RNF150: variants seen among roughly 807,000 people sequenced by gnomAD.
RNF150 encodes the protein ring finger protein 150.
RNF150 carries 24 observed loss-of-function variants against 39.3 expected under a neutral mutation model. The ratio of observed to expected loss-of-function variants is 0.61; its 90% CI spans 0.44 to 0.86. The LOEUF (loss-of-function observed/expected upper bound fraction) is 0.86, where lower values mean the gene tolerates loss of function less well. Ranked by LOEUF, RNF150 falls within the 40% of genes least tolerant of loss-of-function variation. The pLI is 0.00. For synonymous variants in RNF150, 255 were observed against 227.3 expected (o/e 1.12, Z -1.10); for missense variants, 502 against 587.8 (o/e 0.85, Z 1.51).
At chr4:141,051,649 C>T (rs1182756733) in intron 1 of RNF150, among the ~76,000 whole-genome samples, 1 of 152,192 alleles carries the variant, frequency 6.6e-6, no homozygotes, top group Non-Finnish European at 1.5e-5. Context: ...ACAAGTTTCT[C>T]ATCTCCATCT....
chr4:141,032,731 T>C (rs185677629), intron 1 of RNF150, among the ~76,000 whole-genome samples: 134 of 152,184 alleles, frequency 8.8e-4, no homozygotes, highest in African/African-American at 3.0e-3. Flanking sequence ...TACTGTGGAT[T>C]CAGTAATAAG....
At chr4:141,115,561 GC>G (rs2111072446) in intron 1 of RNF150, among the ~76,000 whole-genome samples, 1 of 152,230 alleles carries the variant, frequency 6.6e-6, no homozygotes, top group Admixed American at 6.5e-5. Flanking sequence ...TGGCCATACT[GC>G]CAAAAGTAAT....
At chr4:141,200,206 C>A (rs575380141) in intron 1 of RNF150, among the ~76,000 whole-genome samples, 4 of 152,172 alleles carry the variant, frequency 2.6e-5, no homozygotes, top group Admixed American at 6.5e-5. Flanking sequence ...TGATGAGGGC[C>A]CTTTTTTGGG....
At position 141,093,378 on chromosome 4, in the gene RNF150, AGG is replaced by A. The variant is rs11318985; in HGVS notation, c.484+38945_484+38946del. Among the ~76,000 whole-genome samples, 18 of 143,402 alleles carry A rather than the reference AGG, an allele frequency of 1.3e-4. No homozygotes were observed. In the Admixed American group the frequency reaches 1.3e-3, roughly 10 times the overall value. 94.1% of individuals were successfully genotyped at this position (143,402 alleles called of 152,430 possible). On this transcript the variant is annotated intron_variant, in intron 1 of 6. Transcript: ENST00000515673. ...GAGACTCCATCTCAAAAAAAAAAAA[AGG>A]GGGGGGAAAGGGAACTGGTGTGAAG...
chr4:141,204,368 T>C (rs1560777766), intron 1 of RNF150, among the ~76,000 whole-genome samples: 1 of 152,152 alleles, frequency 6.6e-6, no homozygotes, highest in Non-Finnish European at 1.5e-5. Flanking sequence ...AGAAAAATCT[T>C]TGCAAAAGTT....
chr4:141,024,241 T>A (rs2110797485), intron 1 of RNF150, among the ~76,000 whole-genome samples: 1 of 152,226 alleles, frequency 6.6e-6, no homozygotes, highest in Admixed American at 6.5e-5. Context: ...AAATACTGAA[T>A]GAGGAAAAAC....
chr4:140,869,721 G>C, intron 6 of RNF150, among the ~76,000 whole-genome samples: 1 of 152,200 alleles, frequency 6.6e-6, no homozygotes, highest in Non-Finnish European at 1.5e-5. Flanking sequence ...CTGTATTATA[G>C]CCAGATGAAT....
chr4:140,932,761 G>A (rs535888198), intron 4 of RNF150, among the ~76,000 whole-genome samples: 1 of 152,320 alleles, frequency 6.6e-6, no homozygotes, highest in Non-Finnish European at 1.5e-5. Flanking sequence ...CTCTCCTGGT[G>A]GTGGCTATGG....
intron 2 of RNF150, among the ~76,000 whole-genome samples, chr4:140,966,504 A>G (rs1421504691): frequency 1.3e-5 from 2 of 152,156 alleles, no homozygotes; most frequent in South Asian, 2.1e-4. Flanking sequence ...GTTTATACAC[A>G]TTAATAAGAA....
In RNF150 at chr4:141,132,657, G is replaced by C; in HGVS notation, c.152C>G (p.Pro51Arg). Residue 51 changes from proline (P) to arginine (R), a missense_variant, in exon 1 of 7, where the codon CCC (proline) becomes CGC (arginine). Coordinates refer to ENST00000515673, the MANE Select transcript of RNF150 (RefSeq NM_020724.2). The surrounding 1 kb of genome is among the most constrained non-coding windows in gnomAD (Gnocchi z 4.9). Reference protein sequence around the residue: ...TAFVNITYAEPAPDPGAGAAG... With the variant: ...TAFVNITYAERAPDPGAGAAG... ...CGCCCCGGCCCCGGGGTCCGGCGCG[G>C]GCTCGGCGTAGGTGATGTTCACGAA... 6.2e-7 allele frequency: 1 copy of C among 1,603,276 alleles called. No homozygotes were observed. Among genetic ancestry groups the C allele is most frequent in the Non-Finnish European group, 8.5e-7 (1 of 1,175,958 alleles).
chr4:141,139,882 TC>T (rs1217010171), intron 1 of RNF150, among the ~76,000 whole-genome samples: 3 of 152,204 alleles, frequency 2.0e-5, no homozygotes, highest in Admixed American at 2.0e-4. Context: ...ACATTGGTAG[TC>T]TTTTTGTCTC....
intron 6 of RNF150, among the ~76,000 whole-genome samples, chr4:140,870,263 G>A (rs1728876166): frequency 6.6e-6 from 1 of 152,066 alleles, no homozygotes; most frequent in African/African-American, 2.4e-5. Flanking sequence ...ACAGATCAAT[G>A]GTTAAATGAA....
At chr4:141,151,895 A>G (rs768924504) in intron 1 of RNF150, among the ~76,000 whole-genome samples, 1 of 152,224 alleles carries the variant, frequency 6.6e-6, no homozygotes, top group Non-Finnish European at 1.5e-5. Flanking sequence ...TTAAGATGGA[A>G]AAGCTGTTCT....
intron 1 of RNF150, among the ~76,000 whole-genome samples, chr4:141,173,219 T>A (rs1268320541): frequency 6.6e-6 from 1 of 152,190 alleles, no homozygotes; most frequent in Non-Finnish European, 1.5e-5. Flanking sequence ...TCTCTTATAT[T>A]ATTAGTTAAT....
At chr4:141,145,709 T>C (rs1488002214) in intron 1 of RNF150, among the ~76,000 whole-genome samples, 1 of 152,206 alleles carries the variant, frequency 6.6e-6, no homozygotes, top group Non-Finnish European at 1.5e-5. Context: ...TTTTTGGATG[T>C]ATAAACCAAA....
At chr4:140,994,330 G>C (rs55954119) in intron 1 of RNF150, among the ~76,000 whole-genome samples, 11,162 of 152,302 alleles carry the variant, frequency 0.073, 462 homozygotes, top group Middle Eastern at 0.16. Context: ...CAAAGGATAT[G>C]ACAGAAGGGG....
intron 1 of RNF150, chr4:141,212,765 T>C (rs1213348529): frequency 6.6e-6 from 1 of 152,432 alleles, no homozygotes; most frequent in Non-Finnish European, 1.5e-5. Flanking sequence ...CTAGGTAATT[T>C]ATAAAGAAAA....
At chr4:141,162,624 C>T (rs1430598596) in intron 1 of RNF150, among the ~76,000 whole-genome samples, 2 of 151,990 alleles carry the variant, frequency 1.3e-5, no homozygotes, top group Non-Finnish European at 2.9e-5. Context: ...CCCATTGGGA[C>T]TGGTTAGAGA....
intron 6 of RNF150, among the ~76,000 whole-genome samples, chr4:140,887,574 T>A (rs139151927): frequency 3.3e-5 from 5 of 152,192 alleles, no homozygotes; most frequent in Non-Finnish European, 5.9e-5. Context: ...GGTCGACGCA[T>A]CAACATTTCA....
Sources: gnomAD v4.1 joint callset for allele counts (sites outside exome capture counted in the v4.1 genomes callset) on GRCh38, gnomAD v4.1.1 for gene constraint, Gnocchi (gnomAD v3.1) non-coding constraint, MANE v1.5 for transcripts, NCBI Gene and HGNC (gene_info 2026-07-23, HGNC 2026-07-21) for gene names.